The following MYO3A variants were observed in gnomAD, a reference collection of about 807,000 sequenced individuals.
The protein encoded by MYO3A is myosin-IIIa.
A neutral mutation model predicts 192.7 loss-of-function variants in MYO3A; 180 were observed. The ratio of observed to expected loss-of-function variants is 0.93; its 90% CI spans 0.83 to 1.06. The LOEUF is 1.06. Ranked by LOEUF, MYO3A falls within the 50% of genes least tolerant of loss-of-function variation. The pLI, the probability that MYO3A is intolerant of heterozygous loss-of-function variation, is 0.00. For synonymous variants in MYO3A, 628 were observed against 645.3 expected, an observed-to-expected ratio of 0.97 and a Z score of 0.41; for missense variants, 1,896 against 1,905.0, an observed-to-expected ratio of 1.00 and a Z score of 0.09.
At chr10:26,145,364 C>A in intron 21 of MYO3A, 82 bp from the exon 22 acceptor site, 1 of 967,582 alleles carries the variant, frequency 1.0e-6, no homozygotes, top group South Asian at 1.3e-5. Flanking sequence ...TGCACATTGT[C>A]CTTTTTATGG....
Position 26,016,889 on chromosome 10 carries a change from C to T in MYO3A, c.578C>T (p.Ala193Val). 6.2e-7 allele frequency: 1 copy of T among 1,614,114 alleles called. No individual in the cohort carries two copies. Among genetic ancestry groups the T allele is most frequent in the African/African-American group, 1.3e-5 (1 of 75,064 alleles). ...NTSVGTPFWM[A>V]PEVIACEQQL... ...TCCGTAGGAACACCGTTTTGGATGG[C>T]TCCTGAGGTCAGATAGAGTTTTGAG... Residue 193 changes from alanine (A) to valine (V), a missense_variant, in exon 7 of 35, where the codon GCT (alanine) becomes GTT (valine). Transcript: ENST00000642920.
intron 29 of MYO3A, 127 bp downstream of exon 29, chr10:26,170,666 T>TATCA: frequency 3.9e-6 from 4 of 1,019,050 alleles, no homozygotes; most frequent in Non-Finnish European, 5.8e-6. Context: ...CAAATGTCAG[T>TATCA]GAACACCCAG....
At chr10:26,161,833 G>A (rs554675154) in intron 26 of MYO3A, among the ~76,000 whole-genome samples, 1 of 152,164 alleles carries the variant, frequency 6.6e-6, no homozygotes, top group African/African-American at 2.4e-5. Context: ...TGGCCTAGGG[G>A]ATGCCCTCCA....
chr10:26,154,750 A>AC lies in MYO3A; in HGVS notation c.2721dup (p.Thr908HisfsTer24). 6.2e-7 allele frequency: 1 copy of AC among 1,613,744 alleles called. No homozygotes were observed. ...TGTCTTCCTTGGTCTCCTTAGGGCG[A>AC]CACTGGAGAAGCCACACGTCATGCC... On this transcript the variant is annotated frameshift_variant, in exon 25 of 35. Transcript: ENST00000642920. LOFTEE classifies it high-confidence loss of function.
intron 10 of MYO3A, among the ~76,000 whole-genome samples, chr10:26,058,573 C>G (rs1834268113): frequency 6.6e-6 from 1 of 152,182 alleles, no homozygotes; most frequent in African/African-American, 2.4e-5. Flanking sequence ...ACTGGCTGTA[C>G]CATTTTTCAT....
chr10:25,952,212 AG>A lies in MYO3A; in HGVS notation c.103del (p.Val35PhefsTer5), dbSNP rs1837251165. Reference protein sequence around the residue: ...ETIGKGTYGKVFKVLNKKNGQ... With the variant: ...ETIGKGTYGKXFKVLNKKNGQ... ...CAATTGGCAAAGGAACTTATGGGAA[AG>A]TTTTTAAAGTATTGAATAAGAAAAA... is the stretch of plus-strand genomic sequence containing the variant. On this transcript the variant is annotated frameshift_variant, in exon 3 of 35. Coordinates refer to ENST00000642920, the MANE Select transcript of MYO3A (RefSeq NM_017433.5). LOFTEE classifies it high-confidence loss of function. 3 of 1,612,808 alleles carry A rather than the reference AG, an allele frequency of 1.9e-6. No homozygotes were observed. The African/African-American group carries it at 4.0e-5, about 22-fold the overall frequency.
chr10:25,954,458 C>T (rs1012166668), intron 3 of MYO3A, among the ~76,000 whole-genome samples: 1 of 151,964 alleles, frequency 6.6e-6, no homozygotes, highest in Non-Finnish European at 1.5e-5. Context: ...TGGATAGCTT[C>T]TAAATATCCT....
At chr10:26,035,105 A>T (rs1444398242) in intron 10 of MYO3A, among the ~76,000 whole-genome samples, 1 of 152,182 alleles carries the variant, frequency 6.6e-6, no homozygotes, top group African/African-American at 2.4e-5. Flanking sequence ...TCCAAGATGG[A>T]CAACTCAGGA....
chr10:25,969,795 C>G (rs1036160436), intron 4 of MYO3A, among the ~76,000 whole-genome samples: 3 of 151,810 alleles, frequency 2.0e-5, no homozygotes, highest in African/African-American at 7.3e-5. Context: ...ATTGTAATAC[C>G]CAACTACAAA....
chr10:26,193,083 C>G, intron 31 of MYO3A, 122 bp from the exon 32 acceptor site: 1 of 813,270 alleles, frequency 1.2e-6, no homozygotes. Context: ...AAACGTATTT[C>G]CTTTTTCTCC....
At chr10:25,964,413 T>A (rs1407997514) in intron 4 of MYO3A, among the ~76,000 whole-genome samples, 1 of 152,120 alleles carries the variant, frequency 6.6e-6, no homozygotes, top group East Asian at 1.9e-4. Context: ...ATATATTTCA[T>A]AGGAATTAAG....
At chr10:26,183,528 A>T (rs900564889) in intron 31 of MYO3A, among the ~76,000 whole-genome samples, 13 of 152,188 alleles carry the variant, frequency 8.5e-5, no homozygotes, top group Admixed American at 2.0e-4. Flanking sequence ...GTCTCAAAAA[A>T]AATAATAATA....
chr10:26,150,703 C>T (rs1402906512), intron 23 of MYO3A, among the ~76,000 whole-genome samples: 1 of 152,136 alleles, frequency 6.6e-6, no homozygotes, highest in Non-Finnish European at 1.5e-5. Context: ...TGTCTTCTCT[C>T]ATTTTATTCT....
At chr10:26,017,591 A>G (rs1249286211) in intron 7 of MYO3A, among the ~76,000 whole-genome samples, 1 of 152,076 alleles carries the variant, frequency 6.6e-6, no homozygotes, top group Non-Finnish European at 1.5e-5. Context: ...TACTATATTA[A>G]TATTTTCAAA....
At chr10:26,205,158 G>A (rs1471732789) in intron 34 of MYO3A, among the ~76,000 whole-genome samples, 2 of 152,148 alleles carry the variant, frequency 1.3e-5, no homozygotes, top group Non-Finnish European at 1.5e-5. Context: ...GTATAAACTT[G>A]TGGTATAGAA....
intron 23 of MYO3A, among the ~76,000 whole-genome samples, chr10:26,148,868 CT>C (rs1326112291): frequency 2.0e-5 from 3 of 151,860 alleles, no homozygotes; most frequent in African/African-American, 4.8e-5. Flanking sequence ...ATCAGGGTAG[CT>C]TTTTTTTGTT....
At chr10:26,019,196 G>T (rs1842143566) in intron 7 of MYO3A, among the ~76,000 whole-genome samples, 1 of 150,862 alleles carries the variant, frequency 6.6e-6, no homozygotes, top group Non-Finnish European at 1.5e-5. Context: ...TGTCTCTGTG[G>T]ACTGGCCTTT....
chr10:26,199,640 C>T (rs959723971), intron 32 of MYO3A, among the ~76,000 whole-genome samples: 1 of 151,842 alleles, frequency 6.6e-6, no homozygotes, highest in Non-Finnish European at 1.5e-5. Context: ...AATACATCCT[C>T]TTCTAGGAAT....
intron 32 of MYO3A, chr10:26,200,987 G>C (rs1843652519): frequency 5.6e-6 from 1 of 177,212 alleles, no homozygotes; most frequent in African/African-American, 2.4e-5. Context: ...CTTATGTATA[G>C]CCTTGTTTAT....
Sources: allele counts gnomAD v4.1 joint callset (sites outside exome capture counted in the v4.1 genomes callset), GRCh38; gene constraint gnomAD v4.1.1; transcripts MANE v1.5; gene names NCBI Gene and HGNC (gene_info 2026-07-23, HGNC 2026-07-21).